The following PCDH15 variants were observed in gnomAD, a reference collection of about 807,000 sequenced individuals.
PCDH15 encodes protocadherin related 15.
PCDH15 carries 129 observed loss-of-function variants against 178.5 expected under a neutral mutation model. The observed-to-expected ratio is 0.72, with a 90% CI of 0.63 to 0.84. PCDH15 has a LOEUF of 0.84. PCDH15 is among the 40% of genes least tolerant of loss of function. The probability of loss-of-function intolerance (pLI) is 0.00; values close to 1 mark genes in which losing one functional copy is unlikely to be tolerated. For synonymous variants in PCDH15, 800 were observed against 732.0 expected, an observed-to-expected ratio of 1.09 and a Z score of -1.50; for missense variants, 2,230 against 2,099.9, an observed-to-expected ratio of 1.06 and a Z score of -1.21.
intron 2 of PCDH15, among the ~76,000 whole-genome samples, chr10:54,608,747 C>T (rs1263877863): frequency 3.3e-5 from 5 of 151,788 alleles, no homozygotes; most frequent in East Asian, 1.9e-4. Flanking sequence ...GGTGTCTTGG[C>T]TTGTTTAGTG....
intron 2 of PCDH15, among the ~76,000 whole-genome samples, chr10:54,590,929 C>A (rs2091846716): frequency 1.3e-5 from 2 of 150,946 alleles, no homozygotes; most frequent in Admixed American, 6.6e-5. Flanking sequence ...GTCTAAAAAC[C>A]CAGAAATAAT....
At chr10:55,249,333 G>T (rs1053245079) in intron 1 of PCDH15, among the ~76,000 whole-genome samples, 4 of 152,178 alleles carry the variant, frequency 2.6e-5, no homozygotes, top group African/African-American at 7.2e-5. Context: ...TTCTGACCTA[G>T]TGGTTGGAAT....
intron 1 of PCDH15, among the ~76,000 whole-genome samples, chr10:54,729,922 A>G (rs1008464999): frequency 1.3e-5 from 2 of 151,680 alleles, no homozygotes; most frequent in African/African-American, 4.8e-5. Context: ...GGTTGCAGAG[A>G]AAAGGGAATG....
chr10:55,190,800 C>T lies in PCDH15; in HGVS notation c.-155-24149G>A, dbSNP rs111871298. Among the ~76,000 whole-genome samples the T allele has an allele frequency of 5.2e-3, 790 of 151,668 alleles. 13 individuals are homozygous for T. The highest frequency in any genetic ancestry group is 0.018 in the African/African-American group (745 of 41,382). On this transcript the variant is annotated intron_variant, in intron 1 of 5. Transcript: ENST00000458638. Reference sequence around the variant, plus strand: ...GAAACTGGTAAGATGCTTAATGGAACTCTCATTTAGTGCACAAAACATAAG... The same window carrying T: ...GAAACTGGTAAGATGCTTAATGGAATTCTCATTTAGTGCACAAAACATAAG...
intron 2 of PCDH15, among the ~76,000 whole-genome samples, chr10:54,652,006 T>A (rs2094274044): frequency 6.6e-6 from 1 of 151,790 alleles, no homozygotes; most frequent in African/African-American, 2.4e-5. Context: ...CCTTCCCAGT[T>A]CTTATATGCA....
intron 2 of PCDH15, among the ~76,000 whole-genome samples, chr10:54,639,948 T>C (rs1051310724): frequency 3.3e-5 from 5 of 152,102 alleles, no homozygotes; most frequent in Non-Finnish European, 2.9e-5. Flanking sequence ...AAGCTGGTCA[T>C]GGTGGTGCAT....
chr10:54,790,353 T>TAC (rs987756717), intron 1 of PCDH15, among the ~76,000 whole-genome samples: 2 of 151,218 alleles, frequency 1.3e-5, no homozygotes, highest in Admixed American at 6.6e-5. Flanking sequence ...TATATATATA[T>TAC]ACCTATATAT....
At chr10:54,804,927 T>TATATATATATATATATATATATA, upstream of PCDH15, among the ~76,000 whole-genome samples, 1 of 50,844 alleles carries the variant, frequency 2.0e-5, no homozygotes, top group Non-Finnish European at 4.0e-5. Context: ...TCATAGTAGA[T>TATATATATATATATATATATATA]TATATATATA....
intron 3 of PCDH15, among the ~76,000 whole-genome samples, chr10:54,827,538 C>T (rs1276421446): frequency 6.6e-6 from 1 of 152,038 alleles, no homozygotes; most frequent in African/African-American, 2.4e-5. Flanking sequence ...GCAAGATAGA[C>T]AGTGAGAGAA....
At chr10:55,485,079 A>G (rs984710705) in intron 2 of PCDH15, among the ~76,000 whole-genome samples, 2 of 151,760 alleles carry the variant, frequency 1.3e-5, no homozygotes, top group African/African-American at 2.4e-5. Flanking sequence ...AAAGGAAACA[A>G]TCATCAGAAT....
intron 2 of PCDH15, among the ~76,000 whole-genome samples, chr10:54,975,697 C>T (rs141110326): frequency 1.3e-5 from 2 of 152,008 alleles, no homozygotes; most frequent in Admixed American, 6.6e-5. Context: ...GTCACAAAGT[C>T]TCTTAGTTAA....
chr10:53,958,796 A>T (rs2166628), intron 23 of PCDH15, among the ~76,000 whole-genome samples: 5 of 151,350 alleles, frequency 3.3e-5, no homozygotes, highest in African/African-American at 1.2e-4. Flanking sequence ...TGGCTAATGC[A>T]GTGAAACCCC....
At chr10:54,121,831 C>T (rs1196549087) in intron 15 of PCDH15, among the ~76,000 whole-genome samples, 1 of 151,912 alleles carries the variant, frequency 6.6e-6, no homozygotes, top group Admixed American at 6.6e-5. Flanking sequence ...AACCAAAAAA[C>T]AGTAATAATA....
chr10:55,627,190 A>C (rs1243377171), intron 2 of PCDH15, among the ~76,000 whole-genome samples: 1 of 149,740 alleles, frequency 6.7e-6, no homozygotes, highest in Non-Finnish European at 1.5e-5. Context: ...CATTCACTAC[A>C]TGTGGACATT....
intron 2 of PCDH15, chr10:54,641,061 G>A: frequency 3.7e-6 from 1 of 271,814 alleles, no homozygotes; most frequent in Non-Finnish European, 7.4e-6. Flanking sequence ...CCGAGATGGT[G>A]CCACTGCACT....
intron 1 of PCDH15, among the ~76,000 whole-genome samples, chr10:54,721,803 A>G (rs1191146289): frequency 6.6e-6 from 1 of 151,880 alleles, no homozygotes; most frequent in Non-Finnish European, 1.5e-5. Context: ...AAGAAGAGCC[A>G]ATACTCATTT....
intron 23 of PCDH15, among the ~76,000 whole-genome samples, chr10:53,947,476 A>C (rs2086668202): frequency 6.6e-6 from 1 of 152,084 alleles, no homozygotes; most frequent in African/African-American, 2.4e-5. Flanking sequence ...AGTTCAATAT[A>C]TTTGCAAATC....
At chr10:55,484,783 G>A (rs895413651) in intron 2 of PCDH15, among the ~76,000 whole-genome samples, 1 of 151,702 alleles carries the variant, frequency 6.6e-6, no homozygotes, top group Non-Finnish European at 1.5e-5. Context: ...ACACACTGGG[G>A]TAAGGGCAGT....
intron 2 of PCDH15, among the ~76,000 whole-genome samples, chr10:55,348,475 A>C (rs887199317): frequency 7.2e-5 from 11 of 152,262 alleles, no homozygotes; most frequent in Middle Eastern, 3.4e-3. Flanking sequence ...ATGAACAAAC[A>C]AACCCCTGGC....
Sources: allele counts gnomAD v4.1 joint callset (sites outside exome capture counted in the v4.1 genomes callset), GRCh38; gene constraint gnomAD v4.1.1; transcripts MANE v1.5; gene names NCBI Gene and HGNC (gene_info 2026-07-23, HGNC 2026-07-21).